Variants in SMYD3 observed in about 807,000 individuals in gnomAD.
SMYD3 encodes SET and MYND domain containing 3.
In SMYD3, 36 loss-of-function variants were observed where a neutral mutation model predicts 57.7. The observed-to-expected ratio is 0.62, with a 90% CI of 0.48 to 0.82. The LOEUF (loss-of-function observed/expected upper bound fraction) is 0.82, where lower values mean the gene tolerates loss of function less well. Among genes scored for constraint, SMYD3 ranks in the 40% least tolerant of loss-of-function variants. SMYD3 has a pLI of 0.00. For synonymous variants in SMYD3, 211 were observed against 195.0 expected, an observed-to-expected ratio of 1.08 and a Z score of -0.68; for missense variants, 515 against 538.8, an observed-to-expected ratio of 0.96 and a Z score of 0.44.
chr1:246,222,231 TA>T (rs2063266564), intron 5 of SMYD3, among the ~76,000 whole-genome samples: 6 of 152,168 alleles, frequency 3.9e-5, no homozygotes, highest in Admixed American at 3.9e-4. Context: ...ATGCTACTAA[TA>T]ATCATAATAG....
intron 2 of SMYD3, among the ~76,000 whole-genome samples, chr1:246,350,688 G>A (rs763394736): frequency 6.6e-6 from 1 of 152,100 alleles, no homozygotes; most frequent in Admixed American, 6.6e-5. Context: ...AGAGACGCCT[G>A]TGCAACAGCC....
chr1:246,223,125 T>C (rs2063280835), intron 5 of SMYD3, among the ~76,000 whole-genome samples: 1 of 149,562 alleles, frequency 6.7e-6, no homozygotes, highest in Admixed American at 6.6e-5. Flanking sequence ...ACTCCTTTGA[T>C]TCAAGACAGG....
intron 5 of SMYD3, among the ~76,000 whole-genome samples, chr1:246,229,775 T>G (rs6667580): frequency 0.21 from 31,571 of 152,146 alleles, 3,995 homozygotes; most frequent in East Asian, 0.58. Context: ...CTTCTTAAAG[T>G]TTCCACCTGT....
intron 5 of SMYD3, among the ~76,000 whole-genome samples, chr1:246,143,198 G>C (rs1451449088): frequency 6.6e-6 from 1 of 151,582 alleles, no homozygotes; most frequent in Non-Finnish European, 1.5e-5. Flanking sequence ...TAACAGTGTA[G>C]AGGGTCTTGG....
chr1:245,911,088 T>C (rs1029182727), intron 8 of SMYD3, among the ~76,000 whole-genome samples: 1 of 152,008 alleles, frequency 6.6e-6, no homozygotes, highest in African/African-American at 2.4e-5. Context: ...GCTGAATTCA[T>C]AGAAATGGCC....
chr1:246,248,821 T>C (rs2063753860), intron 5 of SMYD3, among the ~76,000 whole-genome samples: 1 of 139,888 alleles, frequency 7.1e-6, no homozygotes, highest in African/African-American at 2.7e-5. Flanking sequence ...TTTTTTTTTT[T>C]TTTTTTTTGT....
At chr1:245,778,734 C>T (rs185265548) in intron 10 of SMYD3, among the ~76,000 whole-genome samples, 128 of 151,920 alleles carry the variant, frequency 8.4e-4, no homozygotes, top group Non-Finnish European at 1.5e-3. Context: ...TTTTAGAAGA[C>T]GTAGGGGAAA....
At chr1:246,453,425 G>A (rs1206119500) in intron 1 of SMYD3, among the ~76,000 whole-genome samples, 2 of 152,132 alleles carry the variant, frequency 1.3e-5, no homozygotes, top group Non-Finnish European at 2.9e-5. Flanking sequence ...ATAAAACTAC[G>A]ATGCTTCTAT....
intron 1 of SMYD3, among the ~76,000 whole-genome samples, chr1:246,470,613 C>CTA (rs913264301): frequency 2.7e-5 from 4 of 149,358 alleles, no homozygotes; most frequent in African/African-American, 4.9e-5. Flanking sequence ...TATACACACA[C>CTA]TATATATATA....
chr1:246,050,286 G>A (rs939368155), intron 5 of SMYD3, among the ~76,000 whole-genome samples: 1 of 152,218 alleles, frequency 6.6e-6, no homozygotes, highest in Non-Finnish European at 1.5e-5. Context: ...ATAGTTCACA[G>A]AGATAATGTT....
chr1:246,298,226 T>TA (rs35477335), intron 5 of SMYD3, among the ~76,000 whole-genome samples: 12,118 of 150,480 alleles, frequency 0.081, 1,456 homozygotes, highest in African/African-American at 0.26. Flanking sequence ...CACACTGAGG[T>TA]AAAAAAATAA....
chr1:246,087,372 C>T (rs954146784), intron 5 of SMYD3, among the ~76,000 whole-genome samples: 1 of 152,172 alleles, frequency 6.6e-6, no homozygotes, highest in Non-Finnish European at 1.5e-5. Flanking sequence ...ATCTCTAGAA[C>T]CCTGGGTTCT....
At chr1:245,940,536 G>A (rs1359013108) in intron 5 of SMYD3, among the ~76,000 whole-genome samples, 1 of 151,552 alleles carries the variant, frequency 6.6e-6, no homozygotes, top group Non-Finnish European at 1.5e-5. Flanking sequence ...AACCACAGCA[G>A]CCCTATGGAA....
intron 5 of SMYD3, among the ~76,000 whole-genome samples, chr1:246,215,773 G>T (rs1471985432): frequency 6.6e-6 from 1 of 152,008 alleles, no homozygotes; most frequent in Non-Finnish European, 1.5e-5. Context: ...TTTTTTAAAG[G>T]AAGCCCTGGG....
chr1:246,462,151 T>C (rs1342230955), intron 1 of SMYD3, among the ~76,000 whole-genome samples: 1 of 151,890 alleles, frequency 6.6e-6, no homozygotes, highest in Non-Finnish European at 1.5e-5. Flanking sequence ...CCTAGCATTG[T>C]GAGTACGGGC....
chr1:246,180,167 G>T (rs1297827600), intron 5 of SMYD3, among the ~76,000 whole-genome samples: 2 of 148,060 alleles, frequency 1.4e-5, no homozygotes, highest in Admixed American at 6.8e-5. Flanking sequence ...AGATATATTA[G>T]AAAATATATA....
At chr1:245,929,657 C>T (rs189759137) in intron 6 of SMYD3, among the ~76,000 whole-genome samples, 1 of 152,332 alleles carries the variant, frequency 6.6e-6, no homozygotes, top group African/African-American at 2.4e-5. Flanking sequence ...CTGAGATCTG[C>T]CCCTTTGTTA....
chr1:246,472,354 G>GT (rs887085367), intron 1 of SMYD3, among the ~76,000 whole-genome samples: 5 of 152,172 alleles, frequency 3.3e-5, no homozygotes, highest in Admixed American at 3.3e-4. Flanking sequence ...TTACTATGTT[G>GT]TTTTTTGTTG....
chr1:246,384,291 G>C (rs1458691419), intron 1 of SMYD3, among the ~76,000 whole-genome samples: 1 of 152,072 alleles, frequency 6.6e-6, no homozygotes, highest in Non-Finnish European at 1.5e-5. Context: ...TGTATAGGTT[G>C]AGACTAAATT....
Sources: allele counts gnomAD v4.1 joint callset (sites outside exome capture counted in the v4.1 genomes callset), GRCh38; gene constraint gnomAD v4.1.1; transcripts MANE v1.5; gene names NCBI Gene and HGNC (gene_info 2026-07-23, HGNC 2026-07-21).